DIP2C: variants seen among roughly 807,000 people sequenced by gnomAD.
DIP2C encodes disco-interacting protein 2 homolog C.
Under a neutral mutation model 192.4 loss-of-function variants are expected in DIP2C, and 33 were observed. That is an observed-to-expected ratio of 0.17 (90% CI 0.13 to 0.23). DIP2C has a LOEUF of 0.23. Among genes scored for constraint, DIP2C ranks in the 10% least tolerant of loss-of-function variants. The pLI, the probability that DIP2C is intolerant of heterozygous loss-of-function variation, is 1.00. For synonymous variants in DIP2C, 979 were observed against 864.1 expected (o/e 1.13, Z -2.33); for missense variants, 1,537 against 2,110.1 (o/e 0.73, Z 5.32).
intron 1 of DIP2C, chr10:650,721 G>A: frequency 1.6e-6 from 1 of 634,536 alleles, no homozygotes; most frequent in Non-Finnish European, 2.9e-6. Context: ...AGAGTGCTCT[G>A]GGCCGACCCC....
intron 1 of DIP2C, among the ~76,000 whole-genome samples, chr10:499,789 C>T (rs780816448): frequency 1.3e-5 from 2 of 152,194 alleles, no homozygotes; most frequent in African/African-American, 4.8e-5. Context: ...AGAGCCAAAC[C>T]GTATCATGGG....
Position 586,222 on chromosome 10 carries a change from C to T in DIP2C, c.86-99692G>A, listed in dbSNP as rs543825693. On this transcript the variant is annotated intron_variant, in intron 1 of 36. Transcript: ENST00000280886. ...GCCTCTGAAAGAAAATGGAAACACA[C>T]ATGGGAAGGCCCTGCAGATGCTGAG... Among the ~76,000 whole-genome samples, 7 of 152,340 alleles carry T rather than the reference C, an allele frequency of 4.6e-5. No homozygotes were observed. In the East Asian group the frequency reaches 7.7e-4, roughly 17 times the overall value.
chr10:286,932 G>A (rs1589389843), intron 33 of DIP2C, among the ~76,000 whole-genome samples: 1 of 152,174 alleles, frequency 6.6e-6, no homozygotes, highest in East Asian at 1.9e-4. Context: ...TGCTCTGGTG[G>A]TGCCAGAAGG....
intron 1 of DIP2C, among the ~76,000 whole-genome samples, chr10:604,263 G>A (rs534331512): frequency 8.5e-5 from 13 of 152,206 alleles, no homozygotes; most frequent in African/African-American, 2.6e-4. Context: ...TTATAATGAC[G>A]TAAAAATTGG....
intron 24 of DIP2C, among the ~76,000 whole-genome samples, chr10:350,581 G>C (rs1440702611): frequency 1.3e-5 from 2 of 151,088 alleles, no homozygotes; most frequent in African/African-American, 4.9e-5. Context: ...GCAGTCCATG[G>C]GGTCAGGAAG....
intron 17 of DIP2C, among the ~76,000 whole-genome samples, chr10:379,801 C>CAGT (rs760482495): frequency 1.3e-5 from 2 of 152,272 alleles, no homozygotes; most frequent in Non-Finnish European, 2.9e-5. Flanking sequence ...CCTGGAAGTT[C>CAGT]AGTCTCTGCT....
At chr10:288,229 T>A in intron 33 of DIP2C, 135 bp downstream of exon 33, 1 of 845,370 alleles carries the variant, frequency 1.2e-6, no homozygotes, top group South Asian at 1.8e-5. Flanking sequence ...TGAGTTTCTA[T>A]ACTCACTGAT....
chr10:312,716 G>C (rs1956615645), intron 31 of DIP2C, among the ~76,000 whole-genome samples: 1 of 152,188 alleles, frequency 6.6e-6, no homozygotes, highest in Non-Finnish European at 1.5e-5. Context: ...TTGAAAAAGA[G>C]AGGCAGAGCA....
chr10:623,556 G>A (rs1246583216), intron 1 of DIP2C, among the ~76,000 whole-genome samples: 1 of 104,828 alleles, frequency 9.5e-6, no homozygotes, highest in African/African-American at 3.9e-5. Context: ...CAGGGCTGAG[G>A]GGAGGAGGGG....
intron 28 of DIP2C, among the ~76,000 whole-genome samples, chr10:344,178 T>A (rs1435316762): frequency 6.6e-6 from 1 of 152,230 alleles, no homozygotes; most frequent in East Asian, 1.9e-4. Flanking sequence ...CAGACCACAG[T>A]AAGTAAATCA....
intron 17 of DIP2C, 150 bp downstream of exon 17, chr10:382,497 A>G (rs565754595): frequency 1.1e-5 from 7 of 611,614 alleles, no homozygotes; most frequent in Non-Finnish European, 2.0e-5. Flanking sequence ...CTGTTCCAGC[A>G]CATAAAAACA....
chr10:591,542 A>G (rs1851403467), intron 1 of DIP2C, among the ~76,000 whole-genome samples: 1 of 152,240 alleles, frequency 6.6e-6, no homozygotes, highest in Non-Finnish European at 1.5e-5. Flanking sequence ...GTACAAATAA[A>G]ACATCATGTT....
chr10:330,877 A>G (rs1189392941), intron 29 of DIP2C, among the ~76,000 whole-genome samples: 4 of 144,980 alleles, frequency 2.8e-5, no homozygotes, highest in Non-Finnish European at 6.0e-5. Flanking sequence ...CAGTGGTGTG[A>G]TCTGGGTTCA....
At chr10:599,775 T>C (rs1270812546) in intron 1 of DIP2C, among the ~76,000 whole-genome samples, 1 of 152,198 alleles carries the variant, frequency 6.6e-6, no homozygotes, top group African/African-American at 2.4e-5. Flanking sequence ...TAAATGCGGT[T>C]GTCATCCTGC....
intron 1 of DIP2C, among the ~76,000 whole-genome samples, chr10:561,488 A>G (rs1233346278): frequency 6.6e-6 from 1 of 152,202 alleles, no homozygotes; most frequent in East Asian, 1.9e-4. Flanking sequence ...AACGTGATCA[A>G]CATCACAGAA....
In DIP2C at chr10:655,623, T is replaced by C. The variant is rs956064073; in HGVS notation, c.85+33871A>G. Among the ~76,000 whole-genome samples the C allele has an allele frequency of 3.9e-5, 6 of 152,210 alleles. No individual in the cohort carries two copies. In the East Asian group the frequency reaches 9.6e-4, roughly 24 times the overall value. ...TACTACTGCACACCATGCTATGTAA[T>C]ATTAATACCATGCTGTGTGTTCTAA... On this transcript the variant is annotated intron_variant, in intron 1 of 36. Transcript: ENST00000280886.
chr10:298,415 G>C (rs145328788), intron 32 of DIP2C, among the ~76,000 whole-genome samples: 1,555 of 152,254 alleles, frequency 0.01, 18 homozygotes, highest in Non-Finnish European at 0.018. Flanking sequence ...TGGTGACCTC[G>C]CACTTAGCTG....
At chr10:535,496 T>C (rs1018038361) in intron 1 of DIP2C, among the ~76,000 whole-genome samples, 7 of 152,108 alleles carry the variant, frequency 4.6e-5, no homozygotes, top group African/African-American at 1.7e-4. Flanking sequence ...ATGAGGGGCA[T>C]GCCTTTGTAC....
chr10:605,485 C>T (rs1852395265), intron 1 of DIP2C, among the ~76,000 whole-genome samples: 2 of 152,192 alleles, frequency 1.3e-5, no homozygotes, highest in Non-Finnish European at 2.9e-5. Flanking sequence ...GCCCGCCCTT[C>T]GCACCACATA....
Sources: allele counts gnomAD v4.1 joint callset (sites outside exome capture counted in the v4.1 genomes callset), GRCh38; gene constraint gnomAD v4.1.1; transcripts MANE v1.5; gene names NCBI Gene and HGNC (gene_info 2026-07-23, HGNC 2026-07-21).